Variants in LRRC4C observed in about 807,000 individuals in gnomAD.
LRRC4C encodes leucine rich repeat containing 4C.
Under a neutral mutation model 33.6 loss-of-function variants are expected in LRRC4C, and 5 were observed. The observed-to-expected ratio is 0.15, with a 90% CI of 0.08 to 0.31. The LOEUF (loss-of-function observed/expected upper bound fraction) is 0.31, where lower values mean the gene tolerates loss of function less well. Among genes scored for constraint, LRRC4C ranks in the 10% least tolerant of loss-of-function variants. LRRC4C has a pLI of 1.00. For synonymous variants in LRRC4C, 329 were observed against 302.0 expected (o/e 1.09, Z -0.93); for missense variants, 560 against 796.7 (o/e 0.70, Z 3.58).
intron 5 of LRRC4C, among the ~76,000 whole-genome samples, chr11:40,175,708 C>G (rs971903230): frequency 6.6e-6 from 1 of 152,180 alleles, no homozygotes; most frequent in African/African-American, 2.4e-5. Context: ...CCACAGCCTC[C>G]CTTAAAGCCT....
rs186752989 is a variant in LRRC4C, at chr11:40,714,844, A to C, written c.-406-66566T>G. Among the ~76,000 whole-genome samples the C allele has an allele frequency of 1.2e-4, 18 of 152,340 alleles. No homozygotes were observed. The East Asian group carries it at 3.5e-3, about 29-fold the overall frequency. On this transcript the variant is annotated intron_variant, in intron 2 of 6. Transcript: ENST00000528697. ...CTGGTGGCAAATGTTAGACTTTTCA[A>C]TAGAAATTACAGGAAAAATTGATTA...
chr11:40,267,203 T>C (rs1290287734), intron 4 of LRRC4C, among the ~76,000 whole-genome samples: 1 of 152,154 alleles, frequency 6.6e-6, no homozygotes, highest in Non-Finnish European at 1.5e-5. Flanking sequence ...CTCAATGGCA[T>C]GCATGATCTT....
chr11:40,481,016 G>T (rs933954497), intron 3 of LRRC4C, among the ~76,000 whole-genome samples: 1 of 151,086 alleles, frequency 6.6e-6, no homozygotes, highest in Non-Finnish European at 1.5e-5. Context: ...AGAGCATTGT[G>T]TCTATAGTTA....
At chr11:40,814,151 G>T (rs1321408775) in intron 2 of LRRC4C, among the ~76,000 whole-genome samples, 1 of 152,204 alleles carries the variant, frequency 6.6e-6, no homozygotes, top group African/African-American at 2.4e-5. Flanking sequence ...CCTATCAGAG[G>T]TTCTCTATGA....
intron 1 of LRRC4C, among the ~76,000 whole-genome samples, chr11:41,155,591 G>C (rs774212767): frequency 1.2e-4 from 19 of 152,054 alleles, no homozygotes; most frequent in Non-Finnish European, 2.4e-4. Flanking sequence ...TTTTGGATTA[G>C]AGTAACATGG....
At chr11:40,441,765 G>T (rs1159868020) in intron 3 of LRRC4C, among the ~76,000 whole-genome samples, 6 of 152,222 alleles carry the variant, frequency 3.9e-5, no homozygotes, top group Non-Finnish European at 4.4e-5. Context: ...TGAAGATCAT[G>T]TAAGACAATG....
chr11:41,177,605 G>A (rs1281429525), intron 1 of LRRC4C, among the ~76,000 whole-genome samples: 4 of 152,046 alleles, frequency 2.6e-5, no homozygotes, highest in African/African-American at 4.8e-5. Context: ...TCTGAATCAG[G>A]GCCTTCATTT....
chr11:41,034,935 C>T (rs1590309226), intron 1 of LRRC4C, among the ~76,000 whole-genome samples: 1 of 146,972 alleles, frequency 6.8e-6, no homozygotes, highest in East Asian at 2.0e-4. Flanking sequence ...TTTTGGGGGT[C>T]GTTGGTATTT....
intron 5 of LRRC4C, among the ~76,000 whole-genome samples, chr11:40,226,590 C>T (rs953246541): frequency 6.6e-6 from 1 of 152,144 alleles, no homozygotes; most frequent in African/African-American, 2.4e-5. Flanking sequence ...AGTTCTTAGT[C>T]AGATTCCGTA....
At chr11:40,524,224 G>A (rs60708402) in intron 3 of LRRC4C, among the ~76,000 whole-genome samples, 4,103 of 152,182 alleles carry the variant, frequency 0.027, 179 homozygotes, top group African/African-American at 0.093. Context: ...AATGTCACAT[G>A]CTTTGAGGGG....
At chr11:40,909,898 C>T (rs553395703) in intron 2 of LRRC4C, among the ~76,000 whole-genome samples, 36 of 152,258 alleles carry the variant, frequency 2.4e-4, no homozygotes, top group Admixed American at 5.9e-4. Context: ...ACAAGCCACA[C>T]TTTTAGTGTC....
chr11:41,122,908 C>T (rs1590666283), intron 1 of LRRC4C: 1 of 152,016 alleles, frequency 6.6e-6, no homozygotes, highest in South Asian at 2.1e-4. Context: ...ATTTTATATA[C>T]ATATATACTG....
chr11:40,296,135 G>T (rs1451522145), intron 4 of LRRC4C, among the ~76,000 whole-genome samples: 4 of 152,192 alleles, frequency 2.6e-5, no homozygotes, highest in African/African-American at 7.2e-5. Context: ...ATTAGGCAAA[G>T]CAGCAGGGAC....
At chr11:40,231,813 A>C (rs1317766782) in intron 5 of LRRC4C, among the ~76,000 whole-genome samples, 1 of 152,234 alleles carries the variant, frequency 6.6e-6, no homozygotes, top group Non-Finnish European at 1.5e-5. Context: ...TTGCATGCAC[A>C]GATATAGCTA....
chr11:40,300,840 T>C (rs1340049777), intron 4 of LRRC4C, among the ~76,000 whole-genome samples: 1 of 152,196 alleles, frequency 6.6e-6, no homozygotes, highest in Non-Finnish European at 1.5e-5. Context: ...CTAGCTCTGT[T>C]GCTCAGGCTA....
At chr11:40,970,077 T>A (rs1017486509) in intron 1 of LRRC4C, among the ~76,000 whole-genome samples, 2 of 151,778 alleles carry the variant, frequency 1.3e-5, no homozygotes, top group African/African-American at 2.4e-5. Context: ...GAGACCTGAG[T>A]TTTGTAATTT....
intron 3 of LRRC4C, among the ~76,000 whole-genome samples, chr11:40,365,138 G>A (rs903842778): frequency 1.3e-5 from 2 of 151,042 alleles, no homozygotes; most frequent in Admixed American, 6.6e-5. Flanking sequence ...TATAGGGAAT[G>A]GCAAAGATAT....
chr11:41,026,810 A>G (rs922288760), intron 1 of LRRC4C, among the ~76,000 whole-genome samples: 4 of 151,296 alleles, frequency 2.6e-5, no homozygotes, highest in African/African-American at 4.8e-5. Flanking sequence ...AAAAAAAAGT[A>G]TTTTTAAATT....
At chr11:40,908,659 C>A (rs539758896) in intron 2 of LRRC4C, among the ~76,000 whole-genome samples, 1 of 152,258 alleles carries the variant, frequency 6.6e-6, no homozygotes, top group South Asian at 2.1e-4. Flanking sequence ...AAGAAGTGCT[C>A]TTGCCCTATC....
Sources: allele counts gnomAD v4.1 joint callset (sites outside exome capture counted in the v4.1 genomes callset), GRCh38; gene constraint gnomAD v4.1.1; transcripts MANE v1.5; gene names NCBI Gene and HGNC (gene_info 2026-07-23, HGNC 2026-07-21).